Variants in GRIA3 observed in about 807,000 individuals in gnomAD.
The protein encoded by GRIA3 is glutamate ionotropic receptor AMPA type subunit 3.
Under a neutral mutation model 63.0 loss-of-function variants are expected in GRIA3, and 3 were observed. The ratio of observed to expected loss-of-function variants is 0.05; its 90% CI spans 0.02 to 0.12. The LOEUF (loss-of-function observed/expected upper bound fraction) is 0.12. Among genes scored for constraint, GRIA3 ranks in the 10% least tolerant of loss-of-function variants. GRIA3 has a pLI of 1.00. For missense variants in GRIA3, 347 were observed against 700.9 expected (o/e 0.50, Z 5.70); for synonymous variants, 274 against 257.9 (o/e 1.06, Z -0.60).
intron 3 of GRIA3, among the ~76,000 whole-genome samples, chrX:123,268,173 G>A (rs748537900): frequency 9.0e-6 from 1 of 111,514 alleles, no homozygotes; most frequent in Non-Finnish European, 1.9e-5. Flanking sequence ...TTTTATACTT[G>A]CTTAAGAAGC....
intron 1 of GRIA3, 154 bp downstream of exon 1, chrX:123,184,798 G>T (rs1927209671): frequency 8.0e-6 from 4 of 498,365 alleles, no homozygotes; most frequent in Non-Finnish European, 1.4e-5. Flanking sequence ...GGCGGGGGGC[G>T]GGGCGGGGGG....
intron 3 of GRIA3, among the ~76,000 whole-genome samples, chrX:123,283,486 G>A (rs1026346600): frequency 1.8e-5 from 2 of 111,790 alleles, no homozygotes; most frequent in Non-Finnish European, 3.8e-5. Flanking sequence ...AGCAAGCTAA[G>A]ATCCACTGGC....
At chrX:123,191,427 G>A (rs767248389) in intron 2 of GRIA3, among the ~76,000 whole-genome samples, 1 of 111,893 alleles carries the variant, frequency 8.9e-6, no homozygotes, top group Admixed American at 9.4e-5. Flanking sequence ...TCCAGATACA[G>A]AGCTATAGAT....
intron 2 of GRIA3, among the ~76,000 whole-genome samples, chrX:123,231,121 GT>G (rs1377267200): frequency 8.9e-6 from 1 of 111,913 alleles, no homozygotes; most frequent in East Asian, 2.8e-4. Flanking sequence ...AATTAAACCT[GT>G]TTTTACTGTG....
At chrX:123,250,335 AC>A (rs370976869) in intron 2 of GRIA3, among the ~76,000 whole-genome samples, 120 of 112,084 alleles carry the variant, frequency 1.1e-3, no homozygotes, top group African/African-American at 3.5e-3. Context: ...TTAATTCTGC[AC>A]CCCGAGTTCA....
At chrX:123,356,578 A>G (rs1322201921) in intron 5 of GRIA3, among the ~76,000 whole-genome samples, 1 of 112,370 alleles carries the variant, frequency 8.9e-6, no homozygotes, top group Non-Finnish European at 1.9e-5. Flanking sequence ...ATTACTTCAA[A>G]CAGGGCTAAA....
chrX:123,355,165 T>C (rs1450531310), intron 5 of GRIA3, among the ~76,000 whole-genome samples: 2 of 112,671 alleles, frequency 1.8e-5, no homozygotes, highest in East Asian at 2.8e-4. Flanking sequence ...CTATATTCTT[T>C]CCTAATTTAA....
At chrX:123,307,188 GT>G (rs1229347824) in intron 3 of GRIA3, among the ~76,000 whole-genome samples, 1 of 111,550 alleles carries the variant, frequency 9.0e-6, no homozygotes, top group African/African-American at 3.3e-5. Context: ...GGACAAAGTT[GT>G]CACAGCAACT....
At chrX:123,301,174 T>C (rs916063350) in intron 3 of GRIA3, among the ~76,000 whole-genome samples, 1 of 111,263 alleles carries the variant, frequency 9.0e-6, no homozygotes, top group African/African-American at 3.3e-5. Context: ...TCTGTAGATA[T>C]CTATCAGGTC....
rs1445667075 is a variant in GRIA3 at position 123,186,007 on chromosome X, T to G, written c.268+17T>G. On this transcript the variant is annotated intron_variant, in intron 2 of 15. Transcript: ENST00000620443. ...CAAATGCTTGTAAGTAGATCTGCTT[T>G]TCCTCCCTTTGGGACGTTGGGGACC... 8.4e-6 allele frequency: 10 copies of G among 1,191,238 alleles called. No individual in the cohort carries two copies. Among genetic ancestry groups the G allele is most frequent in the Non-Finnish European group, 1.1e-5 (10 of 877,122 alleles).
intron 7 of GRIA3, among the ~76,000 whole-genome samples, chrX:123,400,651 C>T (rs1569430679): frequency 1.8e-5 from 2 of 111,912 alleles, no homozygotes; most frequent in African/African-American, 6.5e-5. Context: ...CTGGCAGAGG[C>T]TCCTAAGGGG....
chrX:123,265,619 T>C (rs893656418), intron 3 of GRIA3, among the ~76,000 whole-genome samples: 2 of 111,511 alleles, frequency 1.8e-5, no homozygotes, highest in African/African-American at 6.5e-5. Context: ...CAGAGAAAAA[T>C]CCGTGTATAA....
intron 3 of GRIA3, among the ~76,000 whole-genome samples, chrX:123,283,881 C>A (rs2044601674): frequency 8.9e-6 from 1 of 112,918 alleles, no homozygotes. Context: ...TCTCCCAGCA[C>A]AGTGCTGAAG....
At chrX:123,463,602 GGGAGGGAGGGAAAGAAAGAAA>G (rs2045808167) in intron 12 of GRIA3, among the ~76,000 whole-genome samples, 1 of 32,835 alleles carries the variant, frequency 3.0e-5, no homozygotes, top group Non-Finnish European at 5.0e-5. Flanking sequence ...GAGGGAGGGA[GGGAGGGAGGGAAAGAAAGAAA>G]GAAAGAAAGA....
chrX:123,404,969 AAG>A, intron 10 of GRIA3, 55 bp downstream of exon 10: 1 of 852,306 alleles, frequency 1.2e-6, no homozygotes, highest in Non-Finnish European at 1.8e-6. Context: ...ATTAACAAAG[AAG>A]AGAGAAGATT....
chrX:123,205,497 G>A (rs1927861251), intron 2 of GRIA3, among the ~76,000 whole-genome samples: 1 of 111,867 alleles, frequency 8.9e-6, no homozygotes, highest in Non-Finnish European at 1.9e-5. Flanking sequence ...ACAATGTTCA[G>A]TACTTCCTAG....
intron 5 of GRIA3, among the ~76,000 whole-genome samples, chrX:123,366,210 T>G (rs1468400397): frequency 9.0e-6 from 1 of 111,488 alleles, no homozygotes; most frequent in African/African-American, 3.3e-5. Context: ...TGACTTAGAA[T>G]GCCTAACCAC....
intron 12 of GRIA3, among the ~76,000 whole-genome samples, chrX:123,431,027 TACAC>T (rs3050442): frequency 1.5e-3 from 151 of 99,426 alleles, no homozygotes; most frequent in African/African-American, 4.7e-3. Flanking sequence ...GTAACTCACA[TACAC>T]ACACACACAC....
intron 4 of GRIA3, among the ~76,000 whole-genome samples, chrX:123,352,537 T>C (rs2045103306): frequency 8.9e-6 from 1 of 112,020 alleles, no homozygotes; most frequent in African/African-American, 3.2e-5. Context: ...CATTCACTGT[T>C]CTTTTCACAA....
Sources: allele counts gnomAD v4.1 joint callset (sites outside exome capture counted in the v4.1 genomes callset), GRCh38; gene constraint gnomAD v4.1.1; transcripts MANE v1.5; gene names NCBI Gene and HGNC (gene_info 2026-07-23, HGNC 2026-07-21).